The following ARID2 variants were observed in gnomAD, a reference collection of about 807,000 sequenced individuals.
The protein encoded by ARID2 is AT-rich interactive domain-containing protein 2.
ARID2 carries 32 observed loss-of-function variants against 184.6 expected under a neutral mutation model. That is an observed-to-expected ratio of 0.17 (90% CI 0.13 to 0.23). The LOEUF is 0.23. Ranked by LOEUF, ARID2 falls within the 10% of genes least tolerant of loss-of-function variation. The pLI is 1.00. For missense variants in ARID2, 1,696 were observed against 2,197.6 expected, an observed-to-expected ratio of 0.77 and a Z score of 4.56; for synonymous variants, 836 against 772.6, an observed-to-expected ratio of 1.08 and a Z score of -1.36.
At chr12:45,794,594 C>T (rs1026935132) in intron 3 of ARID2, among the ~76,000 whole-genome samples, 1 of 152,068 alleles carries the variant, frequency 6.6e-6, no homozygotes, top group Non-Finnish European at 1.5e-5. Flanking sequence ...GTCAGGTCTC[C>T]AGTAGTTAGG....
intron 6 of ARID2, among the ~76,000 whole-genome samples, chr12:45,833,150 G>A (rs1236895405): frequency 6.6e-6 from 1 of 151,916 alleles, no homozygotes; most frequent in Non-Finnish European, 1.5e-5. Context: ...TTCTTTATTT[G>A]CAGATACAGA....
intron 11 of ARID2, among the ~76,000 whole-genome samples, chr12:45,843,061 G>A (rs1943381346): frequency 6.6e-6 from 1 of 151,736 alleles, no homozygotes; most frequent in Non-Finnish European, 1.5e-5. Flanking sequence ...GAAAACTTGA[G>A]TTCTCCTTTG....
intron 3 of ARID2, among the ~76,000 whole-genome samples, chr12:45,783,764 G>A (rs1275650437): frequency 2.0e-5 from 3 of 152,190 alleles, no homozygotes; most frequent in Non-Finnish European, 4.4e-5. Flanking sequence ...AGGTCAGTTA[G>A]TACCAGTCTG....
At chr12:45,735,609 T>A (rs894914443) in intron 3 of ARID2, among the ~76,000 whole-genome samples, 4 of 152,162 alleles carry the variant, frequency 2.6e-5, no homozygotes, top group Admixed American at 1.3e-4. Flanking sequence ...AGTGAGCCAC[T>A]GAGCCTGGCA....
At chr12:45,891,317 T>G (rs1218069180) in intron 16 of ARID2, among the ~76,000 whole-genome samples, 3 of 152,252 alleles carry the variant, frequency 2.0e-5, no homozygotes, top group Admixed American at 6.5e-5. Context: ...TCTTCAGTTT[T>G]GTGTGCTTTG....
At chr12:45,799,991 A>G (rs76379285) in intron 3 of ARID2, among the ~76,000 whole-genome samples, 1 of 152,140 alleles carries the variant, frequency 6.6e-6, no homozygotes, top group African/African-American at 2.4e-5. Context: ...CTGGGACAAC[A>G]GGTGTGTGCC....
At position 45,874,931 on chromosome 12, in the gene ARID2, C is replaced by T. The variant is rs1291337881; in HGVS notation, c.4922+13982C>T. Among the ~76,000 whole-genome samples the T allele has an allele frequency of 2.6e-5, 4 of 152,146 alleles. No individual in the cohort carries two copies. In the East Asian group the frequency reaches 5.8e-4, roughly 22 times the overall value. On this transcript the variant is annotated intron_variant, in intron 16 of 20. Coordinates refer to ENST00000334344, the MANE Select transcript of ARID2 (RefSeq NM_152641.4). Reference sequence around the variant, plus strand: ...TTGAACCTAGGAGTTCAAGATGAGGCTGGCAATATAGCAAGACCTTGTTCC... The same window carrying T: ...TTGAACCTAGGAGTTCAAGATGAGGTTGGCAATATAGCAAGACCTTGTTCC...
At chr12:45,884,124 C>T (rs985121191) in intron 16 of ARID2, among the ~76,000 whole-genome samples, 78 of 152,242 alleles carry the variant, frequency 5.1e-4, no homozygotes, top group African/African-American at 1.8e-3. Flanking sequence ...TGACCAGACA[C>T]GGTGGCTCAT....
chr12:45,826,513 C>A (rs1320188004), intron 6 of ARID2, among the ~76,000 whole-genome samples: 1 of 152,046 alleles, frequency 6.6e-6, no homozygotes, highest in East Asian at 1.9e-4. Context: ...GTCCTCGGCC[C>A]AAGGGATCCT....
At position 45,811,409 on chromosome 12, in the gene ARID2, CT is replaced by C; in HGVS notation, c.285-8del. The stretch of plus-strand genomic sequence containing the variant: ...TTTAAATGTTTGCTGTGCTGTTTTT[CT>C]GTTTCAGTTACCTAGAAAAGTACGA... On this transcript the variant is annotated splice_region_variant and splice_polypyrimidine_tract_variant and intron_variant, in intron 3 of 20. Transcript: ENST00000334344. 6.2e-7 allele frequency: 1 copy of C among 1,604,812 alleles called. No individual in the cohort carries two copies. The highest frequency in any genetic ancestry group is 8.5e-7 in the Non-Finnish European group (1 of 1,175,184).
intron 16 of ARID2, among the ~76,000 whole-genome samples, chr12:45,870,099 C>T (rs1247145626): frequency 1.3e-5 from 2 of 151,950 alleles, no homozygotes; most frequent in African/African-American, 2.4e-5. Context: ...CATTCTCCTG[C>T]CTCAGCCTCC....
chr12:45,858,425 A>AT (rs1357003916), intron 15 of ARID2, among the ~76,000 whole-genome samples: 5 of 152,136 alleles, frequency 3.3e-5, no homozygotes, highest in Non-Finnish European at 1.5e-5. Flanking sequence ...CCCTCCTCCC[A>AT]TGCCACTTTC....
intron 15 of ARID2, among the ~76,000 whole-genome samples, chr12:45,855,227 C>G (rs1339497192): frequency 6.6e-6 from 1 of 152,180 alleles, no homozygotes; most frequent in African/African-American, 2.4e-5. Flanking sequence ...AAATGCTTTA[C>G]TTAGCACATT....
Position 45,851,577 on chromosome 12 carries a change from C to T in ARID2, c.3454C>T (p.Pro1152Ser), listed in dbSNP as rs781412841. 1 of 1,614,016 alleles carries T rather than the reference C, an allele frequency of 6.2e-7. No homozygotes were observed. Among genetic ancestry groups the T allele is most frequent in the Non-Finnish European group, 8.5e-7 (1 of 1,179,996 alleles). ...TVPISNLQIL[P>S]GPLISNSPAT... ...GCCCATTTCGAACTTACAAATATTG[C>T]CAGGTCCACTGATCTCAAATAGCCC... is the stretch of plus-strand genomic sequence containing the variant. The change falls in exon 15 of 21, where the codon CCA becomes TCA. Residue 1152 changes from proline to serine, a missense_variant. Transcript: ENST00000334344.
Position 45,892,004 on chromosome 12 carries a change from CA to C in ARID2, c.5062-2del, listed in dbSNP as rs776527844. On this transcript the variant is annotated splice_region_variant and splice_polypyrimidine_tract_variant and intron_variant, in intron 17 of 20. Transcript: ENST00000334344. ...TGCCATTCTCTTGCTTCCTCTTCCT[CA>C]AAAAGGATAAGCACTGTTCAAAGGA... 1.2e-6 allele frequency: 2 copies of C among 1,613,628 alleles called. No homozygotes were observed. Among genetic ancestry groups the C allele is most frequent in the African/African-American group, 2.7e-5 (2 of 74,854 alleles).
At chr12:45,738,073 A>G (rs999596881) in intron 3 of ARID2, among the ~76,000 whole-genome samples, 2 of 152,116 alleles carry the variant, frequency 1.3e-5, no homozygotes, top group African/African-American at 4.8e-5. Flanking sequence ...TTCTTTACAT[A>G]TATGTATGGT....
At chr12:45,872,247 T>G (rs971941678) in intron 16 of ARID2, among the ~76,000 whole-genome samples, 5 of 152,192 alleles carry the variant, frequency 3.3e-5, no homozygotes, top group African/African-American at 1.2e-4. Context: ...TTTTTTAGTA[T>G]ATAAGTTCAA....
At chr12:45,832,503 G>T (rs1943140499) in intron 6 of ARID2, among the ~76,000 whole-genome samples, 1 of 151,734 alleles carries the variant, frequency 6.6e-6, no homozygotes, top group African/African-American at 2.4e-5. Context: ...TAGAGACAGG[G>T]TCTTGCTTCG....
At chr12:45,750,574 A>T (rs532197307) in intron 3 of ARID2, among the ~76,000 whole-genome samples, 9 of 152,194 alleles carry the variant, frequency 5.9e-5, no homozygotes, top group Non-Finnish European at 8.8e-5. Context: ...AATAAAATGA[A>T]GTATGCCTGT....
Sources: gnomAD v4.1 joint callset for allele counts (sites outside exome capture counted in the v4.1 genomes callset) on GRCh38, gnomAD v4.1.1 for gene constraint, MANE v1.5 for transcripts, NCBI Gene and HGNC (gene_info 2026-07-23, HGNC 2026-07-21) for gene names.